SBNO2: variants seen among roughly 807,000 people sequenced by gnomAD.
SBNO2 encodes the protein protein strawberry notch homolog 2.
SBNO2 carries 89 observed loss-of-function variants against 146.3 expected under a neutral mutation model. That is an observed-to-expected ratio of 0.61 (90% CI 0.51 to 0.73). The LOEUF (loss-of-function observed/expected upper bound fraction) is 0.73. Among genes scored for constraint, SBNO2 ranks in the 30% least tolerant of loss-of-function variants. SBNO2 has a pLI of 0.00. For missense variants in SBNO2, 2,092 were observed against 2,003.7 expected (o/e 1.04, Z -0.84); for synonymous variants, 1,147 against 892.6 (o/e 1.29, Z -5.08).
intron 4 of SBNO2, among the ~76,000 whole-genome samples, chr19:1,130,705 T>C (rs59237331): frequency 0.02 from 3,050 of 151,708 alleles, 108 homozygotes; most frequent in African/African-American, 0.07. Flanking sequence ...GGTGGGAGGA[T>C]TGCTTCAACC....
In SBNO2 at chr19:1,112,420, G is replaced by A. The variant is rs1156544937; in HGVS notation, c.2497C>T (p.Arg833Cys). ...GACTCACCGAACTGCTGGATGGCGCGGTCGGCGCTCCACGGCAGCTCCAAG... is the reference window on the plus strand; with the variant it reads ...GACTCACCGAACTGCTGGATGGCGCAGTCGGCGCTCCACGGCAGCTCCAAG... The part of the protein sequence containing the change: ...MTLELPWSAD[R>C]AIQQFGRTHR... Residue 833 changes from arginine (R) to cysteine (C), a missense_variant, in exon 21 of 32, where the codon CGC (arginine) becomes TGC (cysteine). Arg to Cys is a radical substitution (Grantham distance 180). Coordinates refer to ENST00000361757, the MANE Select transcript of SBNO2 (RefSeq NM_014963.3). The surrounding 1 kb of genome is among the most constrained non-coding windows in gnomAD (Gnocchi z 5.9). 6.2e-6 allele frequency: 10 copies of A among 1,604,760 alleles called. No homozygotes were observed. The highest frequency in any genetic ancestry group is 4.5e-5 in the East Asian group (2 of 44,690).
At chr19:1,114,483 G>A (rs1225011246) in intron 17 of SBNO2, 61 bp from the exon 18 acceptor site, 3 of 1,391,568 alleles carry the variant, frequency 2.2e-6, no homozygotes, top group East Asian at 2.6e-5. Flanking sequence ...AGCAGGTGGA[G>A]GAGACGCAGC....
At chr19:1,166,605 G>A (rs144518798) in intron 1 of SBNO2, among the ~76,000 whole-genome samples, 1,939 of 105,380 alleles carry the variant, frequency 0.018, 15 homozygotes, top group African/African-American at 0.035. Context: ...GAGCGAGACC[G>A]CAACTGCACG....
At chr19:1,164,209 G>A (rs954506212) in intron 1 of SBNO2, among the ~76,000 whole-genome samples, 1 of 152,228 alleles carries the variant, frequency 6.6e-6, no homozygotes, top group African/African-American at 2.4e-5. Context: ...TGGTGCCATG[G>A]GAGGGAAAGT....
intron 1 of SBNO2, among the ~76,000 whole-genome samples, chr19:1,161,909 G>C (rs992789169): frequency 2.1e-5 from 2 of 93,908 alleles, no homozygotes; most frequent in South Asian, 4.8e-4. Flanking sequence ...GGAGCCGCGG[G>C]GGGGGGGGGG....
chr19:1,110,920 C>A lies in SBNO2; in HGVS notation c.2885-32G>T, dbSNP rs373566819. On this transcript the variant is annotated intron_variant, in intron 25 of 31. Coordinates refer to ENST00000361757, the MANE Select transcript of SBNO2 (RefSeq NM_014963.3). The surrounding 1 kb of genome is among the most constrained non-coding windows in gnomAD (Gnocchi z 4.9). ...GGGGAGGGAGCCAAGCCTCAGGCTG[C>A]GCTGGGAATCCCTCTCCCTGCTTTG... The A allele has an allele frequency of 3.1e-6, 5 of 1,611,348 alleles. No individual in the cohort carries two copies. Among genetic ancestry groups the A allele is most frequent in the Admixed American group, 1.7e-5 (1 of 59,932 alleles).
chr19:1,138,246 G>C (rs2080102995), intron 4 of SBNO2, among the ~76,000 whole-genome samples: 1 of 148,134 alleles, frequency 6.8e-6, no homozygotes, highest in Non-Finnish European at 1.5e-5. Context: ...GGCACCAGGG[G>C]CTGCCCTGGG....
At chr19:1,147,640 C>A (rs1369892412) in intron 3 of SBNO2, among the ~76,000 whole-genome samples, 1 of 152,014 alleles carries the variant, frequency 6.6e-6, no homozygotes, top group Admixed American at 6.5e-5. Context: ...GGACACAGCC[C>A]GGCAGAGCTC....
intron 1 of SBNO2, among the ~76,000 whole-genome samples, chr19:1,159,245 G>A (rs77203830): frequency 0.018 from 2,694 of 152,006 alleles, 82 homozygotes; most frequent in African/African-American, 0.061. Context: ...GGGGCAGAGA[G>A]CCCTGCAAGC....
chr19:1,166,983 T>G (rs1482050796), intron 1 of SBNO2, among the ~76,000 whole-genome samples: 1 of 152,240 alleles, frequency 6.6e-6, no homozygotes, highest in Non-Finnish European at 1.5e-5. Context: ...ACCACTGTCC[T>G]TGAGCTTAAG....
chr19:1,116,790 G>T (rs571844761), intron 16 of SBNO2, 39 bp downstream of exon 16: 1 of 1,513,164 alleles, frequency 6.6e-7, no homozygotes, highest in South Asian at 1.2e-5. Flanking sequence ...GGCCATGAGC[G>T]CAGGAAGCCC....
chr19:1,142,155 A>ACCCTCCCCTCAATGGCCTCCC, intron 4 of SBNO2, among the ~76,000 whole-genome samples: 1 of 61,646 alleles, frequency 1.6e-5, no homozygotes, highest in African/African-American at 7.2e-5. Context: ...CCCACGATCA[A>ACCCTCCCCTCAATGGCCTCCC]TCCTCACTCA....
Position 1,123,038 on chromosome 19 carries a change from G to T in SBNO2, c.636C>A (p.Ile212=), listed in dbSNP as rs368870872. The T allele has an allele frequency of 6.3e-6, 10 of 1,592,162 alleles. No homozygotes were observed. The highest frequency in any genetic ancestry group is 1.1e-5 in the South Asian group (1 of 87,280). Residue 212 remains isoleucine (I), a synonymous_variant, in exon 8 of 32, where the codon ATC becomes ATA. Coordinates refer to ENST00000361757, the MANE Select transcript of SBNO2 (RefSeq NM_014963.3). Reference sequence around the variant, plus strand: ...CCACGCGGTCTGGGTGCTGCTTCCCGATCTTGGCTGGAGGAGCAAGGACGG... The same window carrying T: ...CCACGCGGTCTGGGTGCTGCTTCCCTATCTTGGCTGGAGGAGCAAGGACGG... The part of the protein sequence containing the change: ...YADYVPSKSK[I]GKQHPDRVVE...
rs1568606523 is a variant in SBNO2 at position 1,140,577 on chromosome 19, T to C, written c.279+6732A>G. Reference sequence around the variant, plus strand: ...CCCACGGTGGATGCCAGCAGCGGCATCCTGGCGCAGCGTGAGCCCCAGGGG... The same window carrying C: ...CCCACGGTGGATGCCAGCAGCGGCACCCTGGCGCAGCGTGAGCCCCAGGGG... On this transcript the variant is annotated intron_variant, in intron 4 of 31. Coordinates refer to ENST00000361757, the MANE Select transcript of SBNO2 (RefSeq NM_014963.3). The surrounding 1 kb of genome is among the most constrained non-coding windows in gnomAD (Gnocchi z 4.4). Among the ~76,000 whole-genome samples the C allele has an allele frequency of 1.3e-5, 2 of 150,272 alleles. No individual in the cohort carries two copies. The highest frequency in any genetic ancestry group is 2.1e-4 in the South Asian group (1 of 4,688).
intron 12 of SBNO2, 25 bp from the exon 13 acceptor site, chr19:1,119,646 TCCCCAA>T (rs766892052): frequency 7.6e-6 from 12 of 1,577,838 alleles, no homozygotes; most frequent in Non-Finnish European, 9.5e-6. Context: ...TGCCGTCAGC[TCCCCAA>T]CCCGGGAGGG....
chr19:1,108,288 C>T lies in SBNO2; in HGVS notation c.4033G>A (p.Gly1345Ser). 1.3e-6 allele frequency: 2 copies of T among 1,497,698 alleles called. No individual in the cohort carries two copies. The highest frequency in any genetic ancestry group is 1.8e-6 in the Non-Finnish European group (2 of 1,120,792). The allele number at this position is 1,497,698 out of a possible 1,614,324, so 92.8% of individuals were successfully genotyped here. ...ATCACGCTCTGCCGCTCGGGACCAC[C>T]GCCCGCCGCGCCCCCCGCCCCCGCG... Reference protein sequence around the residue: ...EGAGAGGAAGGGPERQSVIQF... With the variant: ...EGAGAGGAAGSGPERQSVIQF... Residue 1345 changes from glycine (G) to serine (S), a missense_variant, in exon 32 of 32, where the codon GGT becomes AGT. Transcript: ENST00000361757.
intron 1 of SBNO2, among the ~76,000 whole-genome samples, chr19:1,155,389 G>A (rs2080281263): frequency 6.6e-6 from 1 of 152,072 alleles, no homozygotes; most frequent in South Asian, 2.1e-4. Context: ...CAGGCACAGT[G>A]GGGGTCACCC....
At chr19:1,118,453 G>C (rs962218808) in intron 14 of SBNO2, among the ~76,000 whole-genome samples, 55 of 152,362 alleles carry the variant, frequency 3.6e-4, no homozygotes, top group African/African-American at 1.3e-3. Flanking sequence ...CCACAGCAAT[G>C]TGGATGCTGA....
In SBNO2 at chr19:1,123,001, T is replaced by C; in HGVS notation, c.673A>G (p.Thr225Ala). Residue 225 changes from threonine to alanine, a missense_variant, in exon 8 of 32, where the codon ACA (threonine) becomes GCA (alanine). Coordinates refer to ENST00000361757, the MANE Select transcript of SBNO2 (RefSeq NM_014963.3). ...QHPDRVVETS[T>A]LSSVPPPDIT... Reference sequence around the variant, plus strand: ...TCTGGGGGTGGGACGCTGGACAGTGTGCTGGTCTCCACCACGCGGTCTGGG... The same window carrying C: ...TCTGGGGGTGGGACGCTGGACAGTGCGCTGGTCTCCACCACGCGGTCTGGG... 1 of 1,585,976 alleles carries C rather than the reference T, an allele frequency of 6.3e-7. No individual in the cohort carries two copies. Among genetic ancestry groups the C allele is most frequent in the African/African-American group, 1.3e-5 (1 of 74,482 alleles).
Sources: gnomAD v4.1 joint callset for allele counts (sites outside exome capture counted in the v4.1 genomes callset) on GRCh38, gnomAD v4.1.1 for gene constraint, Gnocchi (gnomAD v3.1) non-coding constraint, MANE v1.5 for transcripts, NCBI Gene and HGNC (gene_info 2026-07-23, HGNC 2026-07-21) for gene names.